The following PARD3 variants were observed in gnomAD, a reference collection of about 807,000 sequenced individuals.
The protein encoded by PARD3 is par-3 family cell polarity regulator.
In PARD3, 75 loss-of-function variants were observed where a neutral mutation model predicts 155.4. The observed-to-expected ratio is 0.48, with a 90% CI of 0.40 to 0.58. The LOEUF (loss-of-function observed/expected upper bound fraction) is 0.58. Ranked by LOEUF, PARD3 falls within the 20% of genes least tolerant of loss-of-function variation. The pLI is 0.00. For missense variants in PARD3, 1,642 were observed against 1,721.7 expected (o/e 0.95, Z 0.82); for synonymous variants, 576 against 610.5 (o/e 0.94, Z 0.83).
At position 34,815,006 on chromosome 10, in the gene PARD3, C is replaced by T; in HGVS notation, c.-11G>A. ...CACGGTCACTTTCATGCCGCCGCCG[C>T]CGCGGGCGGGCCCGCGCCCCTCGCC... is the stretch of plus-strand genomic sequence containing the variant. On this transcript the variant is annotated 5_prime_UTR_variant, in exon 1 of 25. Coordinates refer to ENST00000374788, the MANE Select transcript of PARD3 (RefSeq NM_001184785.2). The T allele has an allele frequency of 6.8e-7, 1 of 1,464,844 alleles. No individual in the cohort carries two copies. The allele number at this position is 1,464,844 out of a possible 1,614,324, so 90.7% of individuals were successfully genotyped here.
At chr10:34,707,244 C>CA (rs774551239) in intron 1 of PARD3, among the ~76,000 whole-genome samples, 6,025 of 102,668 alleles carry the variant, frequency 0.059, 151 homozygotes, top group African/African-American at 0.11. Flanking sequence ...GACCCTGTCT[C>CA]AAAAAAAAAA....
At chr10:34,775,765 C>A (rs984062108) in intron 1 of PARD3, among the ~76,000 whole-genome samples, 1 of 152,092 alleles carries the variant, frequency 6.6e-6, no homozygotes, top group Admixed American at 6.5e-5. Context: ...TTTTAAACCA[C>A]ACAAATTTGT....
At chr10:34,235,182 C>A (rs1391552030) in intron 22 of PARD3, among the ~76,000 whole-genome samples, 1 of 152,052 alleles carries the variant, frequency 6.6e-6, no homozygotes, top group Non-Finnish European at 1.5e-5. Context: ...GCCATATTTT[C>A]TTCATTCATT....
chr10:34,177,117 T>C (rs1950066123), intron 22 of PARD3, among the ~76,000 whole-genome samples: 1 of 152,110 alleles, frequency 6.6e-6, no homozygotes, highest in Non-Finnish European at 1.5e-5. Flanking sequence ...TTTGCTTTTA[T>C]TATAAATGTC....
chr10:34,762,684 G>A (rs1837611321), intron 1 of PARD3, among the ~76,000 whole-genome samples: 1 of 152,120 alleles, frequency 6.6e-6, no homozygotes, highest in South Asian at 2.1e-4. Flanking sequence ...CCACAAAATA[G>A]TCTTGATGTA....
intron 5 of PARD3, among the ~76,000 whole-genome samples, chr10:34,440,670 C>T (rs1391118500): frequency 2.0e-5 from 3 of 152,024 alleles, no homozygotes; most frequent in African/African-American, 7.3e-5. Flanking sequence ...TGCTTGCAGG[C>T]TTTTAGCTCC....
At chr10:34,162,833 C>A (rs889073981) in intron 22 of PARD3, among the ~76,000 whole-genome samples, 1 of 152,146 alleles carries the variant, frequency 6.6e-6, no homozygotes, top group African/African-American at 2.4e-5. Flanking sequence ...GTTAAAGGAA[C>A]CAGCCTGGCC....
chr10:34,425,480 C>T (rs1387632534), intron 5 of PARD3, among the ~76,000 whole-genome samples: 1 of 152,094 alleles, frequency 6.6e-6, no homozygotes, highest in Non-Finnish European at 1.5e-5. Context: ...ACTGCAGCCT[C>T]GAACTCCTGG....
chr10:34,694,885 AAT>A (rs1269883238), intron 2 of PARD3, among the ~76,000 whole-genome samples: 2 of 152,150 alleles, frequency 1.3e-5, no homozygotes, highest in African/African-American at 4.8e-5. Flanking sequence ...AACTGTCAGG[AAT>A]ATAGGTGTGA....
intron 12 of PARD3, among the ~76,000 whole-genome samples, chr10:34,367,002 G>A (rs1023341080): frequency 3.3e-5 from 5 of 152,096 alleles, no homozygotes; most frequent in East Asian, 1.9e-4. Context: ...CATTTTGAAA[G>A]ACTTTTAAAT....
intron 22 of PARD3, among the ~76,000 whole-genome samples, chr10:34,212,284 A>G (rs1323898227): frequency 1.3e-5 from 2 of 152,144 alleles, no homozygotes; most frequent in African/African-American, 4.8e-5. Context: ...CTCTAATAAA[A>G]TCATGTCAGA....
intron 22 of PARD3, among the ~76,000 whole-genome samples, chr10:34,221,313 A>T (rs564465498): frequency 1.1e-3 from 161 of 151,474 alleles, no homozygotes; most frequent in African/African-American, 3.8e-3. Flanking sequence ...CCCATGGACC[A>T]GGGAAGCCTG....
intron 2 of PARD3, among the ~76,000 whole-genome samples, chr10:34,647,638 C>A (rs534499260): frequency 5.1e-4 from 78 of 152,324 alleles, no homozygotes; most frequent in Middle Eastern, 3.4e-3. Context: ...CAATGCACCA[C>A]ACTTAACGTG....
chr10:34,511,139 C>T (rs559382264), intron 3 of PARD3, among the ~76,000 whole-genome samples: 63 of 152,320 alleles, frequency 4.1e-4, no homozygotes, highest in Admixed American at 1.6e-3. Flanking sequence ...CAGTTTCCCA[C>T]CATCTTGACT....
chr10:34,427,395 T>G (rs773949), intron 5 of PARD3, among the ~76,000 whole-genome samples: 82,350 of 152,026 alleles, frequency 0.54, 23,259 homozygotes, highest in Non-Finnish European at 0.63. Context: ...GATGAAACAC[T>G]CCCTAGTCTC....
intron 22 of PARD3, among the ~76,000 whole-genome samples, chr10:34,233,098 ACT>A (rs1953026266): frequency 2.5e-5 from 3 of 122,356 alleles, no homozygotes; most frequent in African/African-American, 6.4e-5. Flanking sequence ...ATTCCCTTGG[ACT>A]CTCTGTGTCA....
intron 2 of PARD3, among the ~76,000 whole-genome samples, chr10:34,652,524 T>G (rs2093043309): frequency 6.6e-6 from 1 of 152,170 alleles, no homozygotes; most frequent in Non-Finnish European, 1.5e-5. Flanking sequence ...AGGGTAGAGA[T>G]GTGATAGAAA....
At chr10:34,432,305 G>A (rs933917315) in intron 5 of PARD3, among the ~76,000 whole-genome samples, 16 of 147,420 alleles carry the variant, frequency 1.1e-4, no homozygotes, top group Admixed American at 1.0e-3. Context: ...GAGAACAGGT[G>A]CTGTGAAAAT....
intron 5 of PARD3, among the ~76,000 whole-genome samples, chr10:34,415,613 C>T (rs572803871): frequency 1.3e-5 from 2 of 152,024 alleles, no homozygotes; most frequent in African/African-American, 2.4e-5. Context: ...TAAAAAGGAA[C>T]CTGAATTGCA....
Sources: gnomAD v4.1 joint callset for allele counts (sites outside exome capture counted in the v4.1 genomes callset) on GRCh38, gnomAD v4.1.1 for gene constraint, MANE v1.5 for transcripts, NCBI Gene and HGNC (gene_info 2026-07-23, HGNC 2026-07-21) for gene names.